Variants in RRP12 observed in about 807,000 individuals in gnomAD.
RRP12 encodes the protein RRP12-like protein.
In RRP12, 78 loss-of-function variants were observed where a neutral mutation model predicts 157.3. The observed-to-expected ratio is 0.50, with a 90% CI of 0.41 to 0.60. The LOEUF is 0.60. RRP12 is among the 20% of genes least tolerant of loss of function. RRP12 has a pLI of 0.00. For missense variants in RRP12, 1,521 were observed against 1,679.9 expected, an observed-to-expected ratio of 0.91 and a Z score of 1.65; for synonymous variants, 726 against 670.9, an observed-to-expected ratio of 1.08 and a Z score of -1.27.
Position 97,381,756 on chromosome 10 carries a change from G to A in RRP12, c.1279C>T (p.Pro427Ser). Residue 427 changes from proline (P) to serine (S), a missense_variant, in exon 11 of 34, where the codon CCA (proline) becomes TCA (serine). Pro to Ser is a moderately conservative substitution (Grantham distance 74, BLOSUM62 -1). Coordinates refer to ENST00000370992, the MANE Select transcript of RRP12 (RefSeq NM_015179.4). ...GCAGCAGTCAGCACTTGCGAGTGTG[G>A]GGAAAGGAGGCAGGTCACCGCAGTT... is the stretch of plus-strand genomic sequence containing the variant. The part of the protein sequence containing the change: ...FGTAVTCLLS[P>S]HSQVLTAATQ... 6.2e-7 allele frequency: 1 copy of A among 1,614,194 alleles called. No individual in the cohort carries two copies. Among genetic ancestry groups the A allele is most frequent in the South Asian group, 1.1e-5 (1 of 91,082 alleles).
intron 8 of RRP12, 56 bp downstream of exon 8, chr10:97,388,196 C>G (rs956136838): frequency 1.7e-5 from 28 of 1,608,904 alleles, no homozygotes; most frequent in Non-Finnish European, 2.4e-5. Context: ...CCAGTGAGTT[C>G]CCCAAATGCC....
At chr10:97,361,887 T>TC (rs1372990636) in intron 30 of RRP12, among the ~76,000 whole-genome samples, 2 of 151,846 alleles carry the variant, frequency 1.3e-5, no homozygotes, top group Non-Finnish European at 2.9e-5. Flanking sequence ...GGTGGGTGGA[T>TC]CACGAGGTCA....
chr10:97,371,766 T>G (rs1470105268), intron 20 of RRP12: 2 of 283,748 alleles, frequency 7.0e-6, no homozygotes, highest in South Asian at 7.8e-5. Context: ...GTGGACTGGG[T>G]GGGATAAAGC....
At chr10:97,390,879 G>T in intron 4 of RRP12, 35 bp from the exon 5 acceptor site, 1 of 1,408,372 alleles carries the variant, frequency 7.1e-7, no homozygotes, top group Non-Finnish European at 1.0e-6. Flanking sequence ...ACCCCAGAGG[G>T]TCCCTGAAGA....
In RRP12 at chr10:97,381,697, C is replaced by T; in HGVS notation, c.1320+18G>A. On this transcript the variant is annotated intron_variant, in intron 11 of 33. Transcript: ENST00000370992. Reference sequence around the variant, plus strand: ...GAACCCCCTGTGCTCTCTGCTTCCTCAGCTAAAGTTGCAGTACCTTGAGGC... The same window carrying T: ...GAACCCCCTGTGCTCTCTGCTTCCTTAGCTAAAGTTGCAGTACCTTGAGGC... 1 of 1,597,606 alleles carries T rather than the reference C, an allele frequency of 6.3e-7. No homozygotes were observed. The highest frequency in any genetic ancestry group is 1.1e-5 in the South Asian group (1 of 90,724).
intron 25 of RRP12, among the ~76,000 whole-genome samples, chr10:97,368,030 C>CTTT (rs34307529): frequency 6.7e-5 from 8 of 119,208 alleles, no homozygotes; most frequent in African/African-American, 1.7e-4. Context: ...CTGTGCCTGG[C>CTTT]TTTTTTTTTT....
rs1564754660 is a variant in RRP12, at chr10:97,372,969, G to T, written c.2181+77C>A. ...ACAGAGACCCACGTGAGCCCTGGTG[G>T]GTAGGGTCTCGGCCTCTCTGACCCT... On this transcript the variant is annotated intron_variant, in intron 18 of 33. Coordinates refer to ENST00000370992, the MANE Select transcript of RRP12 (RefSeq NM_015179.4). 6 of 1,498,396 alleles carry T rather than the reference G, an allele frequency of 4.0e-6. No homozygotes were observed. In the African/African-American group the frequency reaches 4.2e-5, roughly 10 times the overall value. The allele number at this position is 1,498,396 out of a possible 1,614,324, so 92.8% of individuals were successfully genotyped here.
chr10:97,393,733 G>T lies in RRP12; in HGVS notation c.481C>A (p.Pro161Thr). The T allele has an allele frequency of 6.2e-7, 1 of 1,614,048 alleles. No homozygotes were observed. Among genetic ancestry groups the T allele is most frequent in the Non-Finnish European group, 8.5e-7 (1 of 1,179,998 alleles). The change falls in exon 4 of 34, where the codon CCG (proline) becomes ACG (threonine). Residue 161 changes from proline (P) to threonine (T), a missense_variant. Coordinates refer to ENST00000370992, the MANE Select transcript of RRP12 (RefSeq NM_015179.4). ...TAAGCAACGGCGGCCAGGGACTCCGGGGACTCCACTGCTTCCATTGTTGTC... is the reference window on the plus strand; with the variant it reads ...TAAGCAACGGCGGCCAGGGACTCCGTGGACTCCACTGCTTCCATTGTTGTC... ...LMTTMEAVES[P>T]ESLAAVAYLL...
In RRP12 at chr10:97,381,435, C is replaced by T. The variant is rs139484717; in HGVS notation, c.1369G>A (p.Val457Met). Residue 457 changes from valine (V) to methionine (M), a missense_variant, in exon 12 of 34, where the codon GTG becomes ATG. Coordinates refer to ENST00000370992, the MANE Select transcript of RRP12 (RefSeq NM_015179.4). ...VAPHMADIGS[V>M]TSSASGPAQS... ...GCAGGGCCTGAGGCCGAGGAGGTCA[C>T]GGAGCCAATGTCAGCCATGTGGGGA... is the stretch of plus-strand genomic sequence containing the variant. 2.6e-3 allele frequency: 4,132 copies of T among 1,613,332 alleles called. 56 individuals carry two copies. In the South Asian group the frequency reaches 0.026, roughly 10 times the overall value.
chr10:97,390,417 T>C lies in RRP12; in HGVS notation c.753+6A>G, dbSNP rs1399702713. The C allele has an allele frequency of 1.9e-6, 3 of 1,606,442 alleles. No individual in the cohort carries two copies. The Admixed American group carries it at 5.0e-5, about 27-fold the overall frequency. ...GCCCCATTTTCTAGGGAGCTAGTAG[T>C]CTCACCTTGGGCTTGGGATGCACCG... is the stretch of plus-strand genomic sequence containing the variant. On this transcript the variant is annotated splice_donor_region_variant and intron_variant, in intron 6 of 33. Transcript: ENST00000370992.
chr10:97,370,779 G>A lies in RRP12; in HGVS notation c.2520C>T (p.Leu840=). 1 of 1,614,012 alleles carries A rather than the reference G, an allele frequency of 6.2e-7. No individual in the cohort carries two copies. Among genetic ancestry groups the A allele is most frequent in the Non-Finnish European group, 8.5e-7 (1 of 1,179,952 alleles). ...CTGAGAGCTTCCTCACGATGTGTAG[G>A]AGGCACTTCAAACGGGGCTGTGGGC... ...SPAKRPRLKC[L]LHIVRKLSAE... The change falls in exon 22 of 34, where the codon CTC becomes CTT. Residue 840 remains leucine, a synonymous_variant. Coordinates refer to ENST00000370992, the MANE Select transcript of RRP12 (RefSeq NM_015179.4).
chr10:97,383,273 TC>T lies in RRP12; in HGVS notation c.1209-1448del, dbSNP rs1223463059. On this transcript the variant is annotated intron_variant, in intron 10 of 33. Coordinates refer to ENST00000370992, the MANE Select transcript of RRP12 (RefSeq NM_015179.4). ...GGTGATTTTGCCATTTTTGTACACC[TC>T]CCAGTAAAGGCGGTTTGATGCAGGA... Among the ~76,000 whole-genome samples, 9 of 152,278 alleles carry T rather than the reference TC, an allele frequency of 5.9e-5. No homozygotes were observed. The East Asian group carries it at 1.7e-3, about 29-fold the overall frequency.
chr10:97,392,689 C>T (rs367771508), intron 4 of RRP12, among the ~76,000 whole-genome samples: 15 of 140,064 alleles, frequency 1.1e-4, no homozygotes, highest in Admixed American at 2.2e-4. Context: ...ATTTCATTTT[C>T]TTTCTATTTT....
Position 97,388,361 on chromosome 10 carries a change from G to T in RRP12, c.908C>A (p.Thr303Asn), listed in dbSNP as rs761712728. 1 of 1,613,940 alleles carries T rather than the reference G, an allele frequency of 6.2e-7. No individual in the cohort carries two copies. Among genetic ancestry groups the T allele is most frequent in the Non-Finnish European group, 8.5e-7 (1 of 1,180,008 alleles). The change falls in exon 8 of 34, where the codon ACC becomes AAC. Residue 303 changes from threonine (T) to asparagine (N), a missense_variant. Thr to Asn is a moderately conservative substitution (Grantham distance 65). Transcript: ENST00000370992. ...EKSGGSKEAT[T>N]TLHMLTLLKD... ...CAGCAGCGTCAGCATGTGCAGCGTG[G>T]TGGTGGCCTCCTTGGAGCCTGGTAT...
At chr10:97,394,374 T>C (rs1844896395) in intron 3 of RRP12, among the ~76,000 whole-genome samples, 1 of 152,150 alleles carries the variant, frequency 6.6e-6, no homozygotes, top group Admixed American at 6.6e-5. Flanking sequence ...TATATATATG[T>C]TTATGTGCAT....
At chr10:97,388,750 T>G in intron 6 of RRP12, 126 bp from the exon 7 acceptor site, 1 of 1,156,740 alleles carries the variant, frequency 8.6e-7, no homozygotes, top group South Asian at 1.5e-5. Context: ...CTGACTACTA[T>G]AGATCCAGTG....
At chr10:97,361,924 T>C (rs1294997946) in intron 30 of RRP12, among the ~76,000 whole-genome samples, 1 of 151,714 alleles carries the variant, frequency 6.6e-6, no homozygotes, top group African/African-American at 2.4e-5. Flanking sequence ...CTGACCAACA[T>C]GATGAAACCC....
At chr10:97,365,909 G>T in intron 29 of RRP12, 199 bp downstream of exon 29, 1 of 654,616 alleles carries the variant, frequency 1.5e-6, no homozygotes, top group Non-Finnish European at 2.6e-6. Context: ...AGTTAAATAT[G>T]TATTGTATAA....
chr10:97,363,026 C>T (rs993070531), intron 30 of RRP12, among the ~76,000 whole-genome samples: 2 of 152,168 alleles, frequency 1.3e-5, no homozygotes, highest in Non-Finnish European at 2.9e-5. Context: ...CTTTACAGAT[C>T]AGGAATTGAG....
Sources: gnomAD v4.1 joint callset for allele counts (sites outside exome capture counted in the v4.1 genomes callset) on GRCh38, gnomAD v4.1.1 for gene constraint, MANE v1.5 for transcripts, NCBI Gene and HGNC (gene_info 2026-07-23, HGNC 2026-07-21) for gene names.